The following CCDC33 variants were observed in gnomAD, a reference collection of about 807,000 sequenced individuals.
CCDC33 encodes the protein coiled-coil domain containing 33, also known as coiled-coil domain-containing protein 33.
In CCDC33, 94 loss-of-function variants were observed where a neutral mutation model predicts 91.9. The observed-to-expected ratio is 1.02, with a 90% CI of 0.87 to 1.21. The LOEUF (loss-of-function observed/expected upper bound fraction) is 1.21, where lower values mean the gene tolerates loss of function less well. Ranked by LOEUF, CCDC33 falls within the 50% of genes most tolerant of loss-of-function variation. CCDC33 has a pLI of 0.00. For synonymous variants in CCDC33, 396 were observed against 374.5 expected (o/e 1.06, Z -0.66); for missense variants, 940 against 935.5 (o/e 1.00, Z -0.06).
At chr15:74,203,288 C>A (rs2074167769) in intron 1 of CCDC33, 2 of 863,444 alleles carry the variant, frequency 2.3e-6, no homozygotes, top group Non-Finnish European at 2.8e-6. Context: ...AAACACAAAC[C>A]AGACCCACGG....
At chr15:74,260,611 A>C (rs1480038683) in intron 2 of CCDC33, among the ~76,000 whole-genome samples, 1 of 152,058 alleles carries the variant, frequency 6.6e-6, no homozygotes, top group Non-Finnish European at 1.5e-5. Context: ...AAAAGGAGGA[A>C]CTTAGTAGGT....
At chr15:74,315,098 GC>G (rs1167608632) in intron 11 of CCDC33, among the ~76,000 whole-genome samples, 1 of 152,224 alleles carries the variant, frequency 6.6e-6, no homozygotes, top group Non-Finnish European at 1.5e-5. Flanking sequence ...GGTAAGGGGA[GC>G]AGAGCAACTG....
chr15:74,336,003 A>C lies in CCDC33; in HGVS notation c.2218A>C (p.Asn740His). 2.4e-5 allele frequency: 39 copies of C among 1,613,966 alleles called. No homozygotes were observed. Among genetic ancestry groups the C allele is most frequent in the Non-Finnish European group, 3.2e-5 (38 of 1,179,986 alleles). The stretch of plus-strand genomic sequence containing the variant: ...GCTGCCCAGCTCAGACTCTAAGCTC[A>C]ACAAGCCCTTGAGCCCCCAGAAGGA... ...PLLPSSDSKL[N>H]KPLSPQKETA... The change falls in exon 19 of 19, where the codon AAC (asparagine) becomes CAC (histidine). Residue 740 changes from asparagine to histidine, a missense_variant. Transcript: ENST00000398814.
chr15:74,214,812 T>C (rs149491913), upstream of CCDC33, among the ~76,000 whole-genome samples: 11 of 152,372 alleles, frequency 7.2e-5, no homozygotes, highest in Middle Eastern at 6.8e-3. Context: ...TTGTCACAGA[T>C]GGACTCCAAA....
chr15:74,294,330 C>A (rs1215144318), intron 10 of CCDC33, among the ~76,000 whole-genome samples: 1 of 152,076 alleles, frequency 6.6e-6, no homozygotes, highest in East Asian at 1.9e-4. Flanking sequence ...ATTCTTTGAA[C>A]AATGAGTATG....
At chr15:74,222,351 G>C (rs904497154) in intron 2 of CCDC33, among the ~76,000 whole-genome samples, 4 of 152,234 alleles carry the variant, frequency 2.6e-5, no homozygotes, top group Admixed American at 6.5e-5. Flanking sequence ...CTCGCTAGAA[G>C]GCCGGGAACT....
intron 2 of CCDC33, among the ~76,000 whole-genome samples, chr15:74,250,170 C>T (rs190460834): frequency 2.6e-5 from 4 of 152,288 alleles, no homozygotes; most frequent in South Asian, 2.1e-4. Flanking sequence ...CTTAGGCCAC[C>T]GCACTATTTC....
At chr15:74,229,345 T>C (rs566187971) in intron 2 of CCDC33, among the ~76,000 whole-genome samples, 47 of 151,988 alleles carry the variant, frequency 3.1e-4, no homozygotes, top group African/African-American at 1.1e-3. Flanking sequence ...ATACAAAAAT[T>C]AGCCAGGCGT....
intron 2 of CCDC33, among the ~76,000 whole-genome samples, chr15:74,250,327 G>T (rs1013635982): frequency 6.6e-6 from 1 of 152,046 alleles, no homozygotes; most frequent in Non-Finnish European, 1.5e-5. Context: ...GCTCAGCACG[G>T]TTGGGTCTTT....
chr15:74,330,879 G>T, intron 13 of CCDC33, 102 bp from the exon 14 acceptor site: 2 of 1,514,610 alleles, frequency 1.3e-6, no homozygotes, highest in Non-Finnish European at 1.8e-6. Context: ...AGGGGGACCA[G>T]CCTGGTGGAG....
chr15:74,268,069 A>T (rs1188678774), intron 4 of CCDC33, among the ~76,000 whole-genome samples: 1 of 152,172 alleles, frequency 6.6e-6, no homozygotes, highest in Non-Finnish European at 1.5e-5. Context: ...CTGTCTGTTC[A>T]CTTACAACCC....
intron 9 of CCDC33, 102 bp downstream of exon 9, chr15:74,280,903 C>T (rs1339900312): frequency 3.4e-6 from 4 of 1,192,594 alleles, no homozygotes; most frequent in Middle Eastern, 2.6e-4. Context: ...AATTTGGCTT[C>T]TCCAGAAGCT....
chr15:74,311,150 G>A (rs1383980559), intron 11 of CCDC33, among the ~76,000 whole-genome samples: 1 of 152,072 alleles, frequency 6.6e-6, no homozygotes, highest in African/African-American at 2.4e-5. Flanking sequence ...CATCACCCTG[G>A]TCCCTTCCCC....
chr15:74,215,369 G>C (rs1318452257), upstream of CCDC33, among the ~76,000 whole-genome samples: 1 of 152,202 alleles, frequency 6.6e-6, no homozygotes, highest in African/African-American at 2.4e-5. Flanking sequence ...GTTGCCAGGA[G>C]CTGGGGGGAG....
At chr15:74,205,178 G>A (rs2074232639) in intron 1 of CCDC33, among the ~76,000 whole-genome samples, 1 of 152,202 alleles carries the variant, frequency 6.6e-6, no homozygotes, top group South Asian at 2.1e-4. Flanking sequence ...TGAGAAGGTG[G>A]TGTGTTGCTG....
At chr15:74,263,983 G>A (rs959199640) in intron 3 of CCDC33, among the ~76,000 whole-genome samples, 6 of 151,888 alleles carry the variant, frequency 4.0e-5, no homozygotes, top group African/African-American at 1.5e-4. Context: ...TCCTGCCCTG[G>A]GCTCTACATA....
At chr15:74,284,894 G>A (rs1003353838) in intron 10 of CCDC33, among the ~76,000 whole-genome samples, 5 of 152,226 alleles carry the variant, frequency 3.3e-5, no homozygotes, top group Non-Finnish European at 7.3e-5. Context: ...CTAGACTTTG[G>A]GAAGGCAGCA....
At chr15:74,283,197 A>T (rs2059402125) in intron 10 of CCDC33, among the ~76,000 whole-genome samples, 1 of 152,216 alleles carries the variant, frequency 6.6e-6, no homozygotes, top group Admixed American at 6.5e-5. Context: ...ACAAACCCCA[A>T]GAAAGAGGCA....
chr15:74,203,259 A>G, intron 1 of CCDC33: 1 of 970,430 alleles, frequency 1.0e-6, no homozygotes, highest in Non-Finnish European at 1.2e-6. Flanking sequence ...CACCCCCACA[A>G]GGCGGAAATT....
Sources: gnomAD v4.1 joint callset for allele counts (sites outside exome capture counted in the v4.1 genomes callset) on GRCh38, gnomAD v4.1.1 for gene constraint, MANE v1.5 for transcripts, NCBI Gene and HGNC (gene_info 2026-07-23, HGNC 2026-07-21) for gene names.